Variants in ZFPM2 observed in about 807,000 individuals in gnomAD.
ZFPM2 encodes the protein zinc finger protein, FOG family member 2, also known as zinc finger protein ZFPM2.
Under a neutral mutation model 98.6 loss-of-function variants are expected in ZFPM2, and 20 were observed. That is an observed-to-expected ratio of 0.20 (90% CI 0.14 to 0.29). The LOEUF is 0.29. Among genes scored for constraint, ZFPM2 ranks in the 10% least tolerant of loss-of-function variants. The pLI is 1.00. For missense variants in ZFPM2, 1,310 were observed against 1,388.6 expected (o/e 0.94, Z 0.90); for synonymous variants, 518 against 502.7 (o/e 1.03, Z -0.41).
chr8:105,419,355 ATGTTTT>A, intron 2 of ZFPM2, 53 bp downstream of exon 2: 2 of 1,566,050 alleles, frequency 1.3e-6, no homozygotes, highest in Admixed American at 3.8e-5. Flanking sequence ...TGATTTTGTA[ATGTTTT>A]AAAAAAATGC....
chr8:105,372,331 C>T lies in ZFPM2; in HGVS notation c.41-46813C>T, dbSNP rs553684227. On this transcript the variant is annotated intron_variant, in intron 1 of 7. Coordinates refer to ENST00000407775, the MANE Select transcript of ZFPM2 (RefSeq NM_012082.4). Reference sequence around the variant, plus strand: ...TGCTGGGATTACAGGCGTGAGCCACCGCGCCCGGCCTATTATTTTTAGTAC... The same window carrying T: ...TGCTGGGATTACAGGCGTGAGCCACTGCGCCCGGCCTATTATTTTTAGTAC... Among the ~76,000 whole-genome samples, 16 of 152,128 alleles carry T rather than the reference C, an allele frequency of 1.1e-4. No individual in the cohort carries two copies. In the South Asian group the frequency reaches 2.1e-3, roughly 20 times the overall value.
chr8:105,691,494 C>T (rs1246160443), intron 5 of ZFPM2, among the ~76,000 whole-genome samples: 3 of 121,862 alleles, frequency 2.5e-5, no homozygotes, highest in South Asian at 2.7e-4. Context: ...ATGATCCACC[C>T]GCCTCGGCCT....
At chr8:105,643,248 C>T (rs1816979779) in intron 5 of ZFPM2, among the ~76,000 whole-genome samples, 1 of 152,180 alleles carries the variant, frequency 6.6e-6, no homozygotes, top group Non-Finnish European at 1.5e-5. Flanking sequence ...TGCCTTACTT[C>T]ACTCATTACC....
intron 5 of ZFPM2, among the ~76,000 whole-genome samples, chr8:105,782,737 A>G (rs1813286608): frequency 6.6e-6 from 1 of 152,148 alleles, no homozygotes; most frequent in African/African-American, 2.4e-5. Context: ...GCAGAACCCA[A>G]CCATATGGAG....
At chr8:105,460,210 C>T (rs1177606461) in intron 3 of ZFPM2, among the ~76,000 whole-genome samples, 1 of 152,122 alleles carries the variant, frequency 6.6e-6, no homozygotes, top group Non-Finnish European at 1.5e-5. Flanking sequence ...TCAATAGTGA[C>T]ACCAAAACAT....
At chr8:105,564,961 C>T (rs1815213637) in intron 4 of ZFPM2, among the ~76,000 whole-genome samples, 1 of 151,932 alleles carries the variant, frequency 6.6e-6, no homozygotes, top group Non-Finnish European at 1.5e-5. Context: ...AATATATAGC[C>T]TACTACCCCT....
chr8:105,370,438 G>A (rs1810596416), intron 1 of ZFPM2, among the ~76,000 whole-genome samples: 1 of 152,196 alleles, frequency 6.6e-6, no homozygotes, highest in South Asian at 2.1e-4. Context: ...TAGAGACGTT[G>A]TAAAGGGAAA....
At chr8:105,680,799 A>T (rs1374493188) in intron 5 of ZFPM2, among the ~76,000 whole-genome samples, 6 of 152,170 alleles carry the variant, frequency 3.9e-5, no homozygotes, top group African/African-American at 9.7e-5. Context: ...GATCTCTAAA[A>T]TGCTTCATGA....
At chr8:105,756,014 G>T (rs1236810659) in intron 5 of ZFPM2, among the ~76,000 whole-genome samples, 1 of 152,130 alleles carries the variant, frequency 6.6e-6, no homozygotes, top group Non-Finnish European at 1.5e-5. Flanking sequence ...TGTGCAAAGT[G>T]TAAAAATATG....
intron 2 of ZFPM2, among the ~76,000 whole-genome samples, chr8:105,437,192 A>C (rs1812138114): frequency 1.3e-5 from 2 of 152,190 alleles, no homozygotes; most frequent in Admixed American, 6.6e-5. Flanking sequence ...AAATAGGTGC[A>C]AAATGTAATT....
At chr8:105,610,722 G>A (rs547940879) in intron 4 of ZFPM2, among the ~76,000 whole-genome samples, 168 of 152,136 alleles carry the variant, frequency 1.1e-3, no homozygotes, top group African/African-American at 3.8e-3. Context: ...ACACTAAAAC[G>A]TTGAAGTCCG....
chr8:105,552,726 A>G (rs1355081754), intron 3 of ZFPM2, among the ~76,000 whole-genome samples: 1 of 151,830 alleles, frequency 6.6e-6, no homozygotes, highest in African/African-American at 2.4e-5. Flanking sequence ...AACCTTGAAC[A>G]TGGCCTCTGA....
At chr8:105,724,027 C>T (rs1258385430) in intron 5 of ZFPM2, among the ~76,000 whole-genome samples, 1 of 151,642 alleles carries the variant, frequency 6.6e-6, no homozygotes, top group African/African-American at 2.4e-5. Context: ...TCAAACCATC[C>T]TTTGCTGGCA....
At chr8:105,541,392 C>G (rs542066697) in intron 3 of ZFPM2, among the ~76,000 whole-genome samples, 1 of 152,280 alleles carries the variant, frequency 6.6e-6, no homozygotes, top group South Asian at 2.1e-4. Context: ...GACTTCAAAA[C>G]ATATTCTCTT....
At chr8:105,651,187 A>G (rs781597437) in intron 5 of ZFPM2, among the ~76,000 whole-genome samples, 24 of 151,812 alleles carry the variant, frequency 1.6e-4, no homozygotes, top group Non-Finnish European at 1.8e-4. Flanking sequence ...CTCCTCATTT[A>G]TGTATTTTCC....
At chr8:105,590,762 G>GCACA (rs71305167) in intron 4 of ZFPM2, among the ~76,000 whole-genome samples, 8,074 of 149,870 alleles carry the variant, frequency 0.054, 269 homozygotes, top group Middle Eastern at 0.083. Context: ...ACGTGCGCAC[G>GCACA]CACACACACA....
At chr8:105,640,281 T>A (rs1816926238) in intron 5 of ZFPM2, among the ~76,000 whole-genome samples, 1 of 151,682 alleles carries the variant, frequency 6.6e-6, no homozygotes, top group Non-Finnish European at 1.5e-5. Flanking sequence ...CTTTGCAAAT[T>A]TGCATACATA....
chr8:105,631,687 C>A (rs960455327), intron 4 of ZFPM2, among the ~76,000 whole-genome samples: 3 of 152,112 alleles, frequency 2.0e-5, no homozygotes, highest in Non-Finnish European at 4.4e-5. Context: ...TTTATTGTAT[C>A]TGTATCCTTC....
chr8:105,419,252 T>G lies in ZFPM2; in HGVS notation c.149T>G (p.Phe50Cys), dbSNP rs1811745822. The G allele has an allele frequency of 1.2e-6, 2 of 1,613,600 alleles. No homozygotes were observed. ...TTGGAGGAAAGCTTTTCCACAGAAT[T>G]TGGGCCTGAAAATCTGAGCTGCGAA... ...FPLEESFSTE[F>C]GPENLSCEEV... Residue 50 changes from phenylalanine to cysteine, a missense_variant, in exon 2 of 8, where the codon TTT becomes TGT. Transcript: ENST00000407775.
Sources: allele counts gnomAD v4.1 joint callset (sites outside exome capture counted in the v4.1 genomes callset), GRCh38; gene constraint gnomAD v4.1.1; transcripts MANE v1.5; gene names NCBI Gene and HGNC (gene_info 2026-07-23, HGNC 2026-07-21).